Variants in COL24A1 observed in about 807,000 individuals in gnomAD.
COL24A1 encodes the protein collagen alpha-1(XXIV) chain.
A neutral mutation model predicts 253.9 loss-of-function variants in COL24A1; 224 were observed. The ratio of observed to expected loss-of-function variants is 0.88; its 90% CI spans 0.79 to 0.99. The LOEUF (loss-of-function observed/expected upper bound fraction) is 0.99, where lower values mean the gene tolerates loss of function less well. Ranked by LOEUF, COL24A1 falls within the 50% of genes least tolerant of loss-of-function variation. The pLI, the probability that COL24A1 is intolerant of heterozygous loss-of-function variation, is 0.00. For synonymous variants in COL24A1, 685 were observed against 673.7 expected (o/e 1.02, Z -0.26); for missense variants, 2,131 against 2,068.5 (o/e 1.03, Z -0.59).
At chr1:85,923,031 T>G (rs1686715135) in intron 24 of COL24A1, among the ~76,000 whole-genome samples, 1 of 151,742 alleles carries the variant, frequency 6.6e-6, no homozygotes, top group Non-Finnish European at 1.5e-5. Context: ...TAGTCTCTGA[T>G]GAAACAGACT....
At chr1:85,785,286 C>G (rs1249502961) in intron 48 of COL24A1, among the ~76,000 whole-genome samples, 1 of 152,132 alleles carries the variant, frequency 6.6e-6, no homozygotes, top group Non-Finnish European at 1.5e-5. Flanking sequence ...TTCTAAAAGT[C>G]AAGTCTTTTT....
chr1:85,938,952 C>G (rs1345446587), intron 24 of COL24A1, among the ~76,000 whole-genome samples: 1 of 152,110 alleles, frequency 6.6e-6, no homozygotes, highest in East Asian at 1.9e-4. Context: ...TTCCTCTACC[C>G]AATCCTGTTT....
intron 38 of COL24A1, among the ~76,000 whole-genome samples, chr1:85,848,786 A>G (rs1390701316): frequency 1.3e-5 from 2 of 152,258 alleles, no homozygotes; most frequent in Non-Finnish European, 2.9e-5. Context: ...AACAGCTAAG[A>G]GGCTTTATTT....
intron 2 of COL24A1, among the ~76,000 whole-genome samples, chr1:86,135,590 C>T (rs989172146): frequency 6.6e-6 from 1 of 151,866 alleles, no homozygotes; most frequent in African/African-American, 2.4e-5. Context: ...CAAAGTATAA[C>T]TTCCCTTTGT....
intron 2 of COL24A1, among the ~76,000 whole-genome samples, chr1:86,131,534 C>T (rs899322945): frequency 2.5e-4 from 34 of 136,776 alleles, no homozygotes; most frequent in Admixed American, 1.0e-3. Flanking sequence ...CACAAAGGCC[C>T]CAGTGTGTGA....
intron 19 of COL24A1, among the ~76,000 whole-genome samples, chr1:86,006,048 T>C (rs76782765): frequency 0.029 from 4,416 of 152,224 alleles, 83 homozygotes; most frequent in Non-Finnish European, 0.049. Flanking sequence ...AGGAAAACTA[T>C]AAAATTATGA....
At chr1:86,058,992 A>T in intron 9 of COL24A1, 129 bp downstream of exon 9, 1 of 578,084 alleles carries the variant, frequency 1.7e-6, no homozygotes, top group South Asian at 4.0e-5. Flanking sequence ...TTTGATTTTG[A>T]AATTATTTCT....
At chr1:85,919,247 A>G (rs1284778041) in intron 24 of COL24A1, among the ~76,000 whole-genome samples, 1 of 152,222 alleles carries the variant, frequency 6.6e-6, no homozygotes, top group East Asian at 1.9e-4. Flanking sequence ...CTGCAGCATA[A>G]TTTAGCCTAA....
At chr1:86,046,789 T>C (rs369114977) in intron 12 of COL24A1, 36 bp downstream of exon 12, 1 of 1,609,502 alleles carries the variant, frequency 6.2e-7, no homozygotes, top group African/African-American at 1.3e-5. Flanking sequence ...GTTATATTGC[T>C]GTAAAATAAA....
chr1:86,019,658 GCTTAT>G (rs1388160688), intron 18 of COL24A1, among the ~76,000 whole-genome samples: 4 of 152,032 alleles, frequency 2.6e-5, no homozygotes, highest in African/African-American at 9.7e-5. Flanking sequence ...ATTCATGAAT[GCTTAT>G]CTTATCTTCG....
chr1:85,801,302 G>A (rs777503665), intron 47 of COL24A1, among the ~76,000 whole-genome samples: 5 of 152,110 alleles, frequency 3.3e-5, no homozygotes, highest in Non-Finnish European at 7.3e-5. Flanking sequence ...CTTGTCCTGC[G>A]AATCTGACTT....
chr1:85,926,691 T>C (rs1353421575), intron 24 of COL24A1, among the ~76,000 whole-genome samples: 1 of 151,932 alleles, frequency 6.6e-6, no homozygotes, highest in African/African-American at 2.4e-5. Flanking sequence ...GGGGGAGGGA[T>C]AGAATTAGGA....
rs781239648 is a variant in COL24A1, at chr1:85,909,997, G to A, written c.2623C>T (p.Arg875Cys). ...GGACCTAGTGGGCCTGGACTTCCAC[G>A]TTCTCCCTTTTAAGAGAACAAAGAA... Reference protein sequence around the residue: ...MTGSIGEKGERGSPGPLGPQG... With the variant: ...MTGSIGEKGECGSPGPLGPQG... The change falls in exon 26 of 60, where the codon CGT (arginine) becomes TGT (cysteine). Residue 875 changes from arginine to cysteine, a missense_variant. Transcript: ENST00000370571. 9.3e-6 allele frequency: 15 copies of A among 1,609,260 alleles called. No individual in the cohort carries two copies. Among genetic ancestry groups the A allele is most frequent in the African/African-American group, 6.7e-5 (5 of 74,686 alleles).
At chr1:86,046,434 G>A (rs1226014175) in intron 12 of COL24A1, among the ~76,000 whole-genome samples, 1 of 152,070 alleles carries the variant, frequency 6.6e-6, no homozygotes, top group Non-Finnish European at 1.5e-5. Context: ...TGAATTAACA[G>A]CTGAAGCACG....
chr1:85,968,931 A>C (rs773395331), intron 22 of COL24A1, among the ~76,000 whole-genome samples: 26 of 152,194 alleles, frequency 1.7e-4, no homozygotes, highest in Non-Finnish European at 3.7e-4. Flanking sequence ...TTGAACATCT[A>C]ATACTAAAAT....
chr1:85,856,549 C>A (rs568365846), intron 37 of COL24A1, among the ~76,000 whole-genome samples: 1 of 152,268 alleles, frequency 6.6e-6, no homozygotes, highest in African/African-American at 2.4e-5. Flanking sequence ...CACCTGTTCT[C>A]ACTCCATCAC....
chr1:85,730,542 G>A lies in COL24A1; in HGVS notation c.*4C>T, dbSNP rs766816805. Reference sequence around the variant, plus strand: ...AGCCTGAATTCGGAACTAATTCAGAGACTTTACAGAAAGCATACAGAACTG... The same window carrying A: ...AGCCTGAATTCGGAACTAATTCAGAAACTTTACAGAAAGCATACAGAACTG... On this transcript the variant is annotated 3_prime_UTR_variant, in exon 60 of 60. Coordinates refer to ENST00000370571, the MANE Select transcript of COL24A1 (RefSeq NM_152890.7). 3 of 1,613,336 alleles carry A rather than the reference G, an allele frequency of 1.9e-6. No homozygotes were observed. In the African/African-American group the frequency reaches 4.0e-5, roughly 22 times the overall value.
chr1:86,119,947 T>C (rs559716054), intron 3 of COL24A1, among the ~76,000 whole-genome samples: 1 of 152,204 alleles, frequency 6.6e-6, no homozygotes, highest in South Asian at 2.1e-4. Flanking sequence ...AACAAAGATA[T>C]AGACCAATGG....
At position 85,959,899 on chromosome 1, in the gene COL24A1, C is replaced by G. The variant is rs1250679377; in HGVS notation, c.2562+1350G>C. The stretch of plus-strand genomic sequence containing the variant: ...TATATATATTTCTTAAGCAATTTGT[C>G]ACTCAGAAATGGCAGAATTTGAGTA... On this transcript the variant is annotated intron_variant, in intron 24 of 59. Coordinates refer to ENST00000370571, the MANE Select transcript of COL24A1 (RefSeq NM_152890.7). Among the ~76,000 whole-genome samples, 7 of 152,244 alleles carry G rather than the reference C, an allele frequency of 4.6e-5. No individual in the cohort carries two copies. In the South Asian group the frequency reaches 1.2e-3, roughly 27 times the overall value.
Sources: allele counts gnomAD v4.1 joint callset (sites outside exome capture counted in the v4.1 genomes callset), GRCh38; gene constraint gnomAD v4.1.1; transcripts MANE v1.5; gene names NCBI Gene and HGNC (gene_info 2026-07-23, HGNC 2026-07-21).